Variants in SERGEF observed in about 807,000 individuals in gnomAD.
The protein encoded by SERGEF is secretion-regulating guanine nucleotide exchange factor.
In SERGEF, 51 loss-of-function variants were observed where a neutral mutation model predicts 50.0. That is an observed-to-expected ratio of 1.02 (90% confidence interval 0.81 to 1.29). The LOEUF (loss-of-function observed/expected upper bound fraction) is 1.29, where lower values mean the gene tolerates loss of function less well. Among genes scored for constraint, SERGEF ranks in the 50% most tolerant of loss-of-function variants. The probability of loss-of-function intolerance (pLI) is 0.00; values close to 1 mark genes in which losing one functional copy is unlikely to be tolerated. For missense variants in SERGEF, 521 were observed against 557.0 expected, an observed-to-expected ratio of 0.94 and a Z score of 0.65; for synonymous variants, 205 against 212.4, an observed-to-expected ratio of 0.97 and a Z score of 0.30.
At chr11:17,870,660 T>TA (rs1851121711) in intron 10 of SERGEF, among the ~76,000 whole-genome samples, 1 of 152,164 alleles carries the variant, frequency 6.6e-6, no homozygotes, top group Non-Finnish European at 1.5e-5. Context: ...ACAAAACTAA[T>TA]ACGGGTGTGA....
At chr11:17,979,066 G>A (rs1011068620) in intron 8 of SERGEF, among the ~76,000 whole-genome samples, 2 of 152,210 alleles carry the variant, frequency 1.3e-5, no homozygotes, top group African/African-American at 2.4e-5. Flanking sequence ...AGCTGCAGCT[G>A]AGAACATGAC....
At chr11:18,007,902 T>C in intron 2 of SERGEF, 39 bp downstream of exon 2, 1 of 1,579,916 alleles carries the variant, frequency 6.3e-7, no homozygotes, top group Non-Finnish European at 8.6e-7. Context: ...AACGTCTAAA[T>C]AAGAAAATGA....
At chr11:17,848,600 C>A (rs1816779680) in intron 10 of SERGEF, among the ~76,000 whole-genome samples, 1 of 152,132 alleles carries the variant, frequency 6.6e-6, no homozygotes, top group Non-Finnish European at 1.5e-5. Flanking sequence ...ATGACCAATG[C>A]TGCAATTCTT....
At chr11:17,860,985 C>T (rs1432043000) in intron 10 of SERGEF, among the ~76,000 whole-genome samples, 1 of 152,146 alleles carries the variant, frequency 6.6e-6, no homozygotes, top group African/African-American at 2.4e-5. Flanking sequence ...TAAACCCTCT[C>T]CACCCTAACA....
rs116510300 is a variant in SERGEF, at chr11:17,884,748, A to T, written c.1012-6504T>A. On this transcript the variant is annotated intron_variant, in intron 9 of 10. Coordinates refer to ENST00000265965, the MANE Select transcript of SERGEF (RefSeq NM_012139.4). The surrounding 1 kb of genome is among the most constrained non-coding windows in gnomAD (Gnocchi z 4.6). ...GTGTATATGTTATATATACATTTTT[A>T]AAAAAAGCACATTGTATGTATGCCT... Among the ~76,000 whole-genome samples the T allele has an allele frequency of 0.019, 2,918 of 152,234 alleles. 109 individuals are homozygous for T. The highest frequency in any genetic ancestry group is 0.066 in the African/African-American group (2,758 of 41,508).
Position 17,911,852 on chromosome 11 carries a change from G to A in SERGEF, c.1012-33608C>T, listed in dbSNP as rs151133335. Among the ~76,000 whole-genome samples, 365 of 152,138 alleles carry A rather than the reference G, an allele frequency of 2.4e-3. 1 individual carries two copies. Among genetic ancestry groups the A allele is most frequent in the South Asian group, 0.016 (76 of 4,814 alleles). On this transcript the variant is annotated intron_variant, in intron 9 of 10. Transcript: ENST00000265965. The stretch of plus-strand genomic sequence containing the variant: ...ATATCTATCACCAAAAAGTCCCCTC[G>A]TACAGCCCTGAGCAGTTTTTGAATG...
chr11:17,859,784 C>CA (rs1258875538), intron 10 of SERGEF, among the ~76,000 whole-genome samples: 2 of 151,972 alleles, frequency 1.3e-5, no homozygotes, highest in Non-Finnish European at 2.9e-5. Context: ...GAAATGCATG[C>CA]AAAAGTCAGA....
At chr11:17,990,398 CAG>C (rs1487864686) in intron 7 of SERGEF, among the ~76,000 whole-genome samples, 1 of 152,168 alleles carries the variant, frequency 6.6e-6, no homozygotes, top group Non-Finnish European at 1.5e-5. Context: ...ATTCCATTCC[CAG>C]AGAGAGGTCA....
chr11:17,955,579 G>A (rs905017316), intron 9 of SERGEF, among the ~76,000 whole-genome samples: 1 of 152,170 alleles, frequency 6.6e-6, no homozygotes. Flanking sequence ...AGGCAATAAG[G>A]GCACAGCCAT....
chr11:17,919,848 A>C (rs913542483), intron 9 of SERGEF, among the ~76,000 whole-genome samples: 7 of 151,780 alleles, frequency 4.6e-5, no homozygotes, highest in Non-Finnish European at 1.0e-4. Context: ...CGGGAGGCTG[A>C]GGCAGGAGAA....
Position 17,884,785 on chromosome 11 carries a change from G to A in SERGEF, c.1012-6541C>T, listed in dbSNP as rs190336333. Among the ~76,000 whole-genome samples the A allele has an allele frequency of 2.3e-4, 35 of 152,256 alleles. No homozygotes were observed. The highest frequency in any genetic ancestry group is 3.4e-4 in the Non-Finnish European group (23 of 68,010). ...TTGTATGTATGCCTGTGAAAAAAAT[G>A]AGCTTGAACTAGGTTCTGCTATCTT... On this transcript the variant is annotated intron_variant, in intron 9 of 10. Coordinates refer to ENST00000265965, the MANE Select transcript of SERGEF (RefSeq NM_012139.4). The surrounding 1 kb of genome is among the most constrained non-coding windows in gnomAD (Gnocchi z 4.6).
intron 9 of SERGEF, among the ~76,000 whole-genome samples, chr11:17,933,083 T>C (rs1565208547): frequency 6.6e-6 from 1 of 152,184 alleles, no homozygotes; most frequent in African/African-American, 2.4e-5. Context: ...TCCTCCAGTA[T>C]ACCACAAAAT....
intron 9 of SERGEF, among the ~76,000 whole-genome samples, chr11:17,912,961 A>C (rs988597594): frequency 6.6e-6 from 1 of 152,236 alleles, no homozygotes; most frequent in East Asian, 1.9e-4. Context: ...TGAGATTCCA[A>C]TGAGATAATG....
At chr11:17,999,931 ATAAAG>A (rs1015534615) in intron 5 of SERGEF, among the ~76,000 whole-genome samples, 17 of 152,334 alleles carry the variant, frequency 1.1e-4, no homozygotes, top group Non-Finnish European at 1.6e-4. Flanking sequence ...TGAGGATTAA[ATAAAG>A]TAATCAAATA....
intron 10 of SERGEF, among the ~76,000 whole-genome samples, chr11:17,876,593 G>A: frequency 6.6e-6 from 1 of 152,248 alleles, no homozygotes; most frequent in Non-Finnish European, 1.5e-5. Context: ...ACACAGAGAT[G>A]GAGCCAGTTT....
chr11:17,986,752 C>A (rs959430684), intron 8 of SERGEF, among the ~76,000 whole-genome samples: 1 of 152,266 alleles, frequency 6.6e-6, no homozygotes, highest in East Asian at 1.9e-4. Context: ...TCTTGGAAGA[C>A]TGACTAACCA....
At chr11:17,854,479 T>C (rs1198249581) in intron 10 of SERGEF, among the ~76,000 whole-genome samples, 1 of 152,226 alleles carries the variant, frequency 6.6e-6, no homozygotes, top group Non-Finnish European at 1.5e-5. Context: ...ACATCCTTGA[T>C]CCTGCCCATT....
intron 9 of SERGEF, among the ~76,000 whole-genome samples, chr11:17,901,248 A>G (rs1720006629): frequency 1.3e-5 from 2 of 151,992 alleles, no homozygotes; most frequent in African/African-American, 4.8e-5. Context: ...CCCTCAAAAC[A>G]CCTGTACTGG....
At position 17,970,357 on chromosome 11, in the gene SERGEF, A is replaced by T. The variant is rs138924538; in HGVS notation, c.845-10721T>A. On this transcript the variant is annotated intron_variant, in intron 8 of 10. Transcript: ENST00000265965. Reference sequence around the variant, plus strand: ...GAACCATGCCCATGTAAGATGGCAAACTTAATCGATTGTGTTCTGACTGCT... The same window carrying T: ...GAACCATGCCCATGTAAGATGGCAATCTTAATCGATTGTGTTCTGACTGCT... Among the ~76,000 whole-genome samples the T allele has an allele frequency of 1.0e-2, 1,517 of 152,270 alleles. 15 individuals carry two copies. The highest frequency in any genetic ancestry group is 0.044 in the Middle Eastern group (13 of 294).
Sources: gnomAD v4.1 joint callset for allele counts (sites outside exome capture counted in the v4.1 genomes callset) on GRCh38, gnomAD v4.1.1 for gene constraint, Gnocchi (gnomAD v3.1) non-coding constraint, MANE v1.5 for transcripts, NCBI Gene and HGNC (gene_info 2026-07-23, HGNC 2026-07-21) for gene names.